LINGO2: variants seen among roughly 807,000 people sequenced by gnomAD.
LINGO2 encodes leucine-rich repeat and immunoglobulin-like domain-containing nogo receptor-interacting protein 2.
LINGO2 carries 14 observed loss-of-function variants against 30.6 expected under a neutral mutation model. That is an observed-to-expected ratio of 0.46 (90% CI 0.30 to 0.72). LINGO2 has a LOEUF of 0.72. Ranked by LOEUF, LINGO2 falls within the 30% of genes least tolerant of loss-of-function variation. The pLI is 0.07. For synonymous variants in LINGO2, 317 were observed against 288.5 expected, an observed-to-expected ratio of 1.10 and a Z score of -1.00; for missense variants, 729 against 751.7, an observed-to-expected ratio of 0.97 and a Z score of 0.35.
intron 2 of LINGO2, among the ~76,000 whole-genome samples, chr9:28,392,010 C>T (rs1053721126): frequency 1.3e-5 from 2 of 152,108 alleles, no homozygotes; most frequent in Non-Finnish European, 2.9e-5. Context: ...TGAGACCATG[C>T]TGGCCAACAT....
At chr9:28,403,909 C>T (rs1343850270) in intron 2 of LINGO2, among the ~76,000 whole-genome samples, 2 of 151,916 alleles carry the variant, frequency 1.3e-5, no homozygotes, top group Admixed American at 6.6e-5. Context: ...CTTTTTTTGG[C>T]ATCATCTCTA....
chr9:28,628,688 T>C (rs1026159585), intron 1 of LINGO2, among the ~76,000 whole-genome samples: 5 of 152,120 alleles, frequency 3.3e-5, no homozygotes, highest in Non-Finnish European at 7.4e-5. Context: ...TTTATCCCCT[T>C]GGTACCTAGT....
chr9:28,439,473 G>C (rs552967220), intron 2 of LINGO2, among the ~76,000 whole-genome samples: 78 of 152,170 alleles, frequency 5.1e-4, no homozygotes, highest in Middle Eastern at 6.8e-3. Context: ...AATTCATGTC[G>C]GTTTGTAATT....
the LINGO2 span, among the ~76,000 whole-genome samples, chr9:29,052,425 T>C: frequency 6.6e-6 from 1 of 152,166 alleles, no homozygotes; most frequent in Non-Finnish European, 1.5e-5. Context: ...AGTCACATAA[T>C]AAGCATCTCC....
chr9:28,962,060 AC>A, the LINGO2 span, among the ~76,000 whole-genome samples: 1 of 152,224 alleles, frequency 6.6e-6, no homozygotes, highest in African/African-American at 2.4e-5. Flanking sequence ...AAACAAAAAA[AC>A]AGGTCATTTG....
chr9:28,691,577 GA>G, the LINGO2 span, among the ~76,000 whole-genome samples: 14,723 of 150,130 alleles, frequency 0.098, 960 homozygotes, highest in East Asian at 0.2. Context: ...AAGAAACTGA[GA>G]AAAAAAAATT....
chr9:28,598,634 A>C (rs559635304), intron 1 of LINGO2: 13 of 152,176 alleles, frequency 8.5e-5, no homozygotes, highest in Non-Finnish European at 1.8e-4. Flanking sequence ...CCCAGTGGCC[A>C]GCTGTGTGAT....
At chr9:28,250,820 G>A (rs977781574) in intron 4 of LINGO2, among the ~76,000 whole-genome samples, 2 of 152,174 alleles carry the variant, frequency 1.3e-5, no homozygotes, top group African/African-American at 4.8e-5. Context: ...GGTTGCCAGA[G>A]GAGGACTAGT....
chr9:28,843,340 CAT>C, the LINGO2 span, among the ~76,000 whole-genome samples: 37 of 151,712 alleles, frequency 2.4e-4, 2 homozygotes, highest in African/African-American at 8.0e-4. Flanking sequence ...ATTCTGACCT[CAT>C]ATATGTGGGT....
At chr9:28,146,962 T>C (rs1188005600) in intron 4 of LINGO2, among the ~76,000 whole-genome samples, 1 of 152,238 alleles carries the variant, frequency 6.6e-6, no homozygotes, top group Non-Finnish European at 1.5e-5. Context: ...ACATAATCTT[T>C]ACATACTTGG....
chr9:28,611,833 T>TTTA (rs1563863274), intron 1 of LINGO2, among the ~76,000 whole-genome samples: 9 of 149,482 alleles, frequency 6.0e-5, no homozygotes, highest in South Asian at 4.2e-4. Context: ...TTATTTATTT[T>TTTA]TTTTTGAGAC....
intron 3 of LINGO2, among the ~76,000 whole-genome samples, chr9:28,300,970 C>T (rs1047786488): frequency 1.3e-5 from 2 of 151,760 alleles, no homozygotes; most frequent in Non-Finnish European, 2.9e-5. Flanking sequence ...AACTCACAAA[C>T]AAAATATAAT....
At chr9:28,300,291 A>C (rs72709365) in intron 3 of LINGO2, among the ~76,000 whole-genome samples, 2,649 of 152,284 alleles carry the variant, frequency 0.017, 41 homozygotes, top group African/African-American at 0.04. Flanking sequence ...ATAATCTTGC[A>C]AAATACTCAT....
the LINGO2 span, among the ~76,000 whole-genome samples, chr9:28,864,095 G>A: frequency 6.6e-6 from 1 of 152,110 alleles, no homozygotes; most frequent in African/African-American, 2.4e-5. Context: ...CCATATCACA[G>A]TATATAAGTG....
chr9:28,771,430 T>C, the LINGO2 span, among the ~76,000 whole-genome samples: 5 of 151,076 alleles, frequency 3.3e-5, no homozygotes, highest in Non-Finnish European at 7.4e-5. Flanking sequence ...GTCTCCTTTC[T>C]CCTTTCTTTT....
intron 2 of LINGO2, among the ~76,000 whole-genome samples, chr9:28,444,063 AC>A (rs1223383732): frequency 6.6e-6 from 1 of 152,004 alleles, no homozygotes; most frequent in Non-Finnish European, 1.5e-5. Flanking sequence ...GAAGCTACCA[AC>A]TTTGGGTGTC....
intron 5 of LINGO2, among the ~76,000 whole-genome samples, chr9:27,996,521 G>T (rs1821669498): frequency 6.6e-6 from 1 of 152,116 alleles, no homozygotes; most frequent in South Asian, 2.1e-4. Context: ...AGTGAAATAA[G>T]CCAGGCACAG....
intron 1 of LINGO2, among the ~76,000 whole-genome samples, chr9:28,587,905 T>C (rs112518408): frequency 4.6e-5 from 7 of 152,048 alleles, no homozygotes; most frequent in African/African-American, 1.4e-4. Context: ...GTTTTGCATT[T>C]TTGAAAATGT....
At chr9:28,700,384 G>A in the LINGO2 span, among the ~76,000 whole-genome samples, 1 of 151,762 alleles carries the variant, frequency 6.6e-6, no homozygotes, top group African/African-American at 2.4e-5. Flanking sequence ...TATAGTTGGG[G>A]GTCACACATA....
Sources: gnomAD v4.1 joint callset for allele counts (sites outside exome capture counted in the v4.1 genomes callset) on GRCh38, gnomAD v4.1.1 for gene constraint, MANE v1.5 for transcripts, NCBI Gene and HGNC (gene_info 2026-07-23, HGNC 2026-07-21) for gene names.